Variants in LRBA observed in about 807,000 individuals in gnomAD.
The protein encoded by LRBA is LPS responsive beige-like anchor protein.
A neutral mutation model predicts 330.0 loss-of-function variants in LRBA; 176 were observed. That is an observed-to-expected ratio of 0.53 (90% CI 0.47 to 0.60). The LOEUF (loss-of-function observed/expected upper bound fraction) is 0.60, where lower values mean the gene tolerates loss of function less well. Among genes scored for constraint, LRBA ranks in the 20% least tolerant of loss-of-function variants. LRBA has a pLI of 0.00. For missense variants in LRBA, 3,259 were observed against 3,444.8 expected, an observed-to-expected ratio of 0.95 and a Z score of 1.35; for synonymous variants, 1,230 against 1,193.0, an observed-to-expected ratio of 1.03 and a Z score of -0.64.
At chr4:150,751,764 T>C (rs1733587402) in intron 35 of LRBA, among the ~76,000 whole-genome samples, 1 of 152,138 alleles carries the variant, frequency 6.6e-6, no homozygotes, top group South Asian at 2.1e-4. Context: ...CAAACAGCCC[T>C]ATCAAGTAAC....
chr4:150,640,579 G>A (rs1033150371), intron 37 of LRBA, among the ~76,000 whole-genome samples: 27 of 152,102 alleles, frequency 1.8e-4, no homozygotes, highest in African/African-American at 6.3e-4. Flanking sequence ...GATATAAAGA[G>A]CATGTTAAAT....
At position 150,347,397 on chromosome 4, in the gene LRBA, G is replaced by A. The variant is rs150552408; in HGVS notation, c.7362+2595C>T. Among the ~76,000 whole-genome samples the A allele has an allele frequency of 5.7e-3, 864 of 152,294 alleles. 6 individuals carry two copies. The highest frequency in any genetic ancestry group is 9.1e-3 in the Non-Finnish European group (622 of 68,010). On this transcript the variant is annotated intron_variant, in intron 48 of 56. Coordinates refer to ENST00000651943, the MANE Select transcript of LRBA (RefSeq NM_001364905.1). Reference sequence around the variant, plus strand: ...GCAGTGGCTCAGGTCTGTAATCCCAGCACTTTGGGAGGCCAAGGGAGGCGG... The same window carrying A: ...GCAGTGGCTCAGGTCTGTAATCCCAACACTTTGGGAGGCCAAGGGAGGCGG...
At chr4:150,883,344 C>G (rs1308361832) in intron 17 of LRBA, among the ~76,000 whole-genome samples, 1 of 152,034 alleles carries the variant, frequency 6.6e-6, no homozygotes, top group African/African-American at 2.4e-5. Context: ...CCTGTAATAC[C>G]AGCTACTCAG....
chr4:150,310,034 T>C (rs1730853456), intron 52 of LRBA, among the ~76,000 whole-genome samples, 195 bp downstream of exon 52: 1 of 152,136 alleles, frequency 6.6e-6, no homozygotes, highest in East Asian at 1.9e-4. Flanking sequence ...CTTACAAACA[T>C]GCTGTAGCAA....
intron 34 of LRBA, among the ~76,000 whole-genome samples, chr4:150,780,317 GT>G (rs1208426797): frequency 2.0e-4 from 31 of 152,048 alleles, no homozygotes; most frequent in Non-Finnish European, 3.5e-4. Flanking sequence ...GGTATCTTAT[GT>G]TTATGCTATG....
intron 40 of LRBA, among the ~76,000 whole-genome samples, chr4:150,537,672 C>T (rs865963156): frequency 9.2e-5 from 14 of 151,832 alleles, no homozygotes; most frequent in East Asian, 5.8e-4. Context: ...AACAAAGGAC[C>T]GGGCACAGTG....
chr4:150,735,446 G>A (rs1301764093), intron 35 of LRBA, 80 bp from the exon 36 acceptor site: 2 of 880,712 alleles, frequency 2.3e-6, no homozygotes, highest in African/African-American at 3.3e-5. Context: ...ACGGTGGAGA[G>A]GAAGGAATAC....
chr4:150,584,046 C>T (rs769443445), intron 40 of LRBA: 2 of 1,605,124 alleles, frequency 1.2e-6, no homozygotes, highest in Non-Finnish European at 1.7e-6. Context: ...AGAGCGCTGC[C>T]AAGCAGACCT....
rs567756831 is a variant in LRBA, at chr4:150,519,599, G to A, written c.6331-28564C>T. The stretch of plus-strand genomic sequence containing the variant: ...ATTGTATAAATGTAACATGATTGGT[G>A]TATCTACCCTTCATTTAACATTCAA... On this transcript the variant is annotated intron_variant, in intron 40 of 56. Transcript: ENST00000651943. Among the ~76,000 whole-genome samples, 6 of 152,214 alleles carry A rather than the reference G, an allele frequency of 3.9e-5. No homozygotes were observed. The South Asian group carries it at 8.3e-4, about 21-fold the overall frequency.
intron 51 of LRBA, among the ~76,000 whole-genome samples, chr4:150,312,065 T>G (rs750094429): frequency 6.6e-6 from 1 of 152,178 alleles, no homozygotes; most frequent in African/African-American, 2.4e-5. Flanking sequence ...AAACTTTCGC[T>G]GAACTTTCTT....
chr4:150,418,649 T>C (rs948555300), intron 46 of LRBA, among the ~76,000 whole-genome samples: 1 of 152,358 alleles, frequency 6.6e-6, no homozygotes, highest in South Asian at 2.1e-4. Flanking sequence ...GCTTTCAACA[T>C]TTCACTTGAA....
intron 34 of LRBA, among the ~76,000 whole-genome samples, chr4:150,786,161 TC>T (rs1375601029): frequency 3.3e-5 from 5 of 152,080 alleles, no homozygotes; most frequent in African/African-American, 1.2e-4. Context: ...ATTTGCAACT[TC>T]CCTAATTACT....
rs146637522 is a variant in LRBA at position 150,828,886 on chromosome 4, T to C, written c.4730-265A>G. Among the ~76,000 whole-genome samples, 406 of 151,702 alleles carry C rather than the reference T, an allele frequency of 2.7e-3. 6 individuals carry two copies. The highest frequency in any genetic ancestry group is 0.024 in the Admixed American group (366 of 15,232). On this transcript the variant is annotated intron_variant, in intron 29 of 56. Coordinates refer to ENST00000651943, the MANE Select transcript of LRBA (RefSeq NM_001364905.1). Reference sequence around the variant, plus strand: ...GGTAGCAACACAAGGTTGAAAGTCATTGGCCTGTAAGAAAAAGTCTATAAT... The same window carrying C: ...GGTAGCAACACAAGGTTGAAAGTCACTGGCCTGTAAGAAAAAGTCTATAAT...
chr4:150,667,614 C>T (rs1781682912), intron 37 of LRBA, among the ~76,000 whole-genome samples: 1 of 152,104 alleles, frequency 6.6e-6, no homozygotes, highest in African/African-American at 2.4e-5. Flanking sequence ...GAGGTAGGGT[C>T]CCTTAGTCAG....
intron 35 of LRBA, among the ~76,000 whole-genome samples, chr4:150,740,525 C>T (rs1731801990): frequency 1.3e-5 from 2 of 150,576 alleles, no homozygotes; most frequent in Non-Finnish European, 2.9e-5. Flanking sequence ...GTATAGGTTA[C>T]TAACAAAGTA....
intron 42 of LRBA, among the ~76,000 whole-genome samples, chr4:150,482,914 G>A (rs747405464): frequency 6.6e-6 from 1 of 151,848 alleles, no homozygotes; most frequent in African/African-American, 2.4e-5. Context: ...TATCCTGGAT[G>A]TAAGTGCTTT....
intron 4 of LRBA, among the ~76,000 whole-genome samples, chr4:150,926,365 G>C (rs1316752580): frequency 6.6e-6 from 1 of 152,160 alleles, no homozygotes; most frequent in Non-Finnish European, 1.5e-5. Context: ...GACCCTCTAA[G>C]AGACACGCCT....
At chr4:150,433,375 A>T (rs1337123605) in intron 46 of LRBA, among the ~76,000 whole-genome samples, 1 of 152,160 alleles carries the variant, frequency 6.6e-6, no homozygotes, top group Non-Finnish European at 1.5e-5. Flanking sequence ...GGAAAAAAAG[A>T]AAACAAAATC....
chr4:150,832,799 C>A (rs1183894231), intron 28 of LRBA, among the ~76,000 whole-genome samples: 1 of 151,930 alleles, frequency 6.6e-6, no homozygotes, highest in Non-Finnish European at 1.5e-5. Flanking sequence ...AGACAGGGCC[C>A]CACTCCATTG....
Sources: allele counts gnomAD v4.1 joint callset (sites outside exome capture counted in the v4.1 genomes callset), GRCh38; gene constraint gnomAD v4.1.1; transcripts MANE v1.5; gene names NCBI Gene and HGNC (gene_info 2026-07-23, HGNC 2026-07-21).